ZNF831: variants seen among roughly 807,000 people sequenced by gnomAD.
ZNF831 encodes zinc finger protein 831.
A neutral mutation model predicts 95.8 loss-of-function variants in ZNF831; 59 were observed. That is an observed-to-expected ratio of 0.62 (90% CI 0.50 to 0.77). The LOEUF is 0.77. Among genes scored for constraint, ZNF831 ranks in the 30% least tolerant of loss-of-function variants. ZNF831 has a pLI of 0.00. For synonymous variants in ZNF831, 961 were observed against 925.5 expected, an observed-to-expected ratio of 1.04 and a Z score of -0.70; for missense variants, 2,205 against 2,164.0, an observed-to-expected ratio of 1.02 and a Z score of -0.38.
At chr20:59,231,344 A>G (rs1278281554) in intron 4 of ZNF831, among the ~76,000 whole-genome samples, 3 of 152,206 alleles carry the variant, frequency 2.0e-5, no homozygotes, top group Non-Finnish European at 4.4e-5. Flanking sequence ...GAAAGTCCAC[A>G]TGTGTTTTTC....
rs2146589661 is a variant in ZNF831, at chr20:59,193,805, T to C, written c.2786T>C (p.Leu929Pro). 1 of 1,612,076 alleles carries C rather than the reference T, an allele frequency of 6.2e-7. No individual in the cohort carries two copies. Among genetic ancestry groups the C allele is most frequent in the Non-Finnish European group, 8.5e-7 (1 of 1,178,988 alleles). Reference sequence around the variant, plus strand: ...ACCCCACCTCAGGCTCCTAGAGTGCTCTCTGCCCTGGCAGATAATGCCTTT... The same window carrying C: ...ACCCCACCTCAGGCTCCTAGAGTGCCCTCTGCCCTGGCAGATAATGCCTTT... ...LATPPQAPRV[L>P]SALADNAFSP... Residue 929 changes from leucine to proline, a missense_variant, in exon 2 of 6, where the codon CTC becomes CCC. By Grantham distance (98) the Leu-to-Pro change is moderately conservative (BLOSUM62 -3). Transcript: ENST00000371030.
chr20:59,186,321 A>C (rs1022545306), intron 1 of ZNF831, among the ~76,000 whole-genome samples: 8 of 152,190 alleles, frequency 5.3e-5, no homozygotes, highest in Admixed American at 2.0e-4. Context: ...GAGGCGATGC[A>C]TGGAGACTGC....
rs187181048 is a variant in ZNF831 at position 59,243,648 on chromosome 20, C to G, written c.4028-9330C>G. ...GTTTCTCTGACTAGAACTAATGGCT[C>G]TGTACCATTATTTTTCCTGTAAGAA... On this transcript the variant is annotated intron_variant, in intron 4 of 5. Transcript: ENST00000371030. Among the ~76,000 whole-genome samples the G allele has an allele frequency of 7.9e-5, 12 of 152,288 alleles. No individual in the cohort carries two copies. In the East Asian group the frequency reaches 2.1e-3, roughly 27 times the overall value.
chr20:59,183,454 C>T (rs972231631), intron 1 of ZNF831, among the ~76,000 whole-genome samples: 5 of 152,166 alleles, frequency 3.3e-5, no homozygotes, highest in Non-Finnish European at 7.3e-5. Context: ...TGCATGGTGG[C>T]CTACAGATAC....
At position 59,206,954 on chromosome 20, in the gene ZNF831, C is replaced by T. The variant is rs765459644; in HGVS notation, c.3925C>T (p.Leu1309Phe). Reference protein sequence around the residue: ...QSCVQLRASRLRTPTWVRRRS... With the variant: ...QSCVQLRASRFRTPTWVRRRS... ...CTGTGTTCAGCTGAGAGCCAGTAGA[C>T]TTCGCACACCAACCTGGGTGCGAAG... Residue 1309 changes from leucine (L) to phenylalanine (F), a missense_variant, in exon 4 of 6, where the codon CTT becomes TTT. Leu to Phe is a conservative substitution (Grantham distance 22, BLOSUM62 0). Coordinates refer to ENST00000371030, the MANE Select transcript of ZNF831 (RefSeq NM_178457.3). The T allele has an allele frequency of 6.2e-7, 1 of 1,614,120 alleles. No homozygotes were observed.
At chr20:59,187,048 G>A (rs1212819472) in intron 1 of ZNF831, among the ~76,000 whole-genome samples, 4 of 152,292 alleles carry the variant, frequency 2.6e-5, no homozygotes, top group Admixed American at 1.3e-4. Context: ...TGATGCTGAG[G>A]TTGGGAAGAG....
intron 1 of ZNF831, among the ~76,000 whole-genome samples, chr20:59,125,822 A>G (rs1979155620): frequency 6.6e-6 from 1 of 152,188 alleles, no homozygotes; most frequent in East Asian, 1.9e-4. Context: ...GACTACAGTA[A>G]AATCTCATTA....
chr20:59,152,064 C>T (rs765675513), intron 2 of ZNF831, among the ~76,000 whole-genome samples: 1 of 152,212 alleles, frequency 6.6e-6, no homozygotes, highest in Non-Finnish European at 1.5e-5. Flanking sequence ...AATGACAGCA[C>T]CTCCCTCACA....
intron 1 of ZNF831, among the ~76,000 whole-genome samples, chr20:59,167,460 A>G (rs1981373102): frequency 6.6e-6 from 1 of 151,038 alleles, no homozygotes; most frequent in Non-Finnish European, 1.5e-5. Context: ...GATGAGGTCC[A>G]TTTTATTATA....
chr20:59,245,447 C>T (rs77507506), intron 4 of ZNF831, among the ~76,000 whole-genome samples: 13,508 of 152,198 alleles, frequency 0.089, 723 homozygotes, highest in Middle Eastern at 0.14. Flanking sequence ...GCTCCTGTAG[C>T]ATTTGAGTTT....
At chr20:59,216,130 C>T (rs1271741174) in intron 4 of ZNF831, among the ~76,000 whole-genome samples, 3 of 152,286 alleles carry the variant, frequency 2.0e-5, no homozygotes, top group Non-Finnish European at 4.4e-5. Flanking sequence ...AACCACCAAC[C>T]CCCACACCCT....
chr20:59,239,632 C>T (rs1600673756), intron 4 of ZNF831, among the ~76,000 whole-genome samples: 1 of 148,796 alleles, frequency 6.7e-6, no homozygotes, highest in South Asian at 2.1e-4. Context: ...GCAACCTCTT[C>T]CTCCTGGGTT....
intron 1 of ZNF831, among the ~76,000 whole-genome samples, chr20:59,175,452 C>G (rs1982082359): frequency 6.6e-6 from 1 of 151,622 alleles, no homozygotes; most frequent in Non-Finnish European, 1.5e-5. Flanking sequence ...CCTGTTTTCT[C>G]TCTGTTGCTC....
rs955352719 is a variant in ZNF831 at position 59,258,720 on chromosome 20, A to G, written c.*3977A>G. The G allele has an allele frequency of 3.9e-5, 6 of 152,186 alleles. No homozygotes were observed. Among genetic ancestry groups the G allele is most frequent in the African/African-American group, 1.4e-4 (6 of 41,440 alleles). 9.4% of individuals were successfully genotyped at this position (152,186 alleles called of 1,614,324 possible). A position where few individuals can be genotyped will look rare whatever the true frequency, so the allele number is the denominator to read the frequency against. On this transcript the variant is annotated 3_prime_UTR_variant, in exon 6 of 6. Transcript: ENST00000371030. Reference sequence around the variant, plus strand: ...CTACATTTCTCAATATTTAAGCACAATTTATTGTCCTTATTTTTCAGAACC... The same window carrying G: ...CTACATTTCTCAATATTTAAGCACAGTTTATTGTCCTTATTTTTCAGAACC...
chr20:59,205,410 C>T (rs1253811542), intron 3 of ZNF831, among the ~76,000 whole-genome samples: 2 of 152,176 alleles, frequency 1.3e-5, no homozygotes, highest in Non-Finnish European at 2.9e-5. Context: ...CTAACCTCCC[C>T]TCCCCCCAGC....
At chr20:59,236,702 T>C (rs1987019970) in intron 4 of ZNF831, among the ~76,000 whole-genome samples, 1 of 152,084 alleles carries the variant, frequency 6.6e-6, no homozygotes, top group Non-Finnish European at 1.5e-5. Flanking sequence ...AGGGCCATTT[T>C]CTTATGAGCC....
rs149620833 is a variant in ZNF831 at position 59,181,266 on chromosome 20, A to G, written c.-36-9718A>G. 3.4e-3 allele frequency among the ~76,000 whole-genome samples: 512 copies of G among 152,208 alleles called. 2 individuals are homozygous for G. Among genetic ancestry groups the G allele is most frequent in the African/African-American group, 0.012 (481 of 41,516 alleles). ...TGTCTAAGTTCCTTGTAGATTCTAG[A>G]TATTAGACCTTTGTCAGATGAGTAG... On this transcript the variant is annotated intron_variant, in intron 1 of 5. Transcript: ENST00000371030.
At chr20:59,197,111 T>G (rs1984177920) in intron 3 of ZNF831, among the ~76,000 whole-genome samples, 1 of 152,086 alleles carries the variant, frequency 6.6e-6, no homozygotes, top group Admixed American at 6.5e-5. Flanking sequence ...GCCTGGATAT[T>G]CTTCAAGGGG....
In ZNF831 at chr20:59,255,854, A is replaced by C. The variant is rs1409723313; in HGVS notation, c.*1111A>C. On this transcript the variant is annotated 3_prime_UTR_variant, in exon 6 of 6. Transcript: ENST00000371030. ...TGTGCACGTCAGAACTGCACAGAGA[A>C]AATTCCCCAGTATTCCAAGCCGGTG... The C allele has an allele frequency of 6.6e-6, 1 of 152,182 alleles. No individual in the cohort carries two copies. Among genetic ancestry groups the C allele is most frequent in the Non-Finnish European group, 1.5e-5 (1 of 68,024 alleles). 9.4% of individuals were successfully genotyped at this position (152,182 alleles called of 1,614,324 possible).
Sources: gnomAD v4.1 joint callset for allele counts (sites outside exome capture counted in the v4.1 genomes callset) on GRCh38, gnomAD v4.1.1 for gene constraint, MANE v1.5 for transcripts, NCBI Gene and HGNC (gene_info 2026-07-23, HGNC 2026-07-21) for gene names.